SPAG16: variants seen among roughly 807,000 people sequenced by gnomAD.
The protein encoded by SPAG16 is sperm associated antigen 16.
In SPAG16, 86 loss-of-function variants were observed where a neutral mutation model predicts 80.4. The observed-to-expected ratio is 1.07, with a 90% CI of 0.90 to 1.28. The LOEUF is 1.28. Ranked by LOEUF, SPAG16 falls within the 50% of genes most tolerant of loss-of-function variation. SPAG16 has a pLI of 0.00. For synonymous variants in SPAG16, 294 were observed against 265.9 expected (o/e 1.11, Z -1.03); for missense variants, 870 against 765.3 (o/e 1.14, Z -1.61).
chr2:214,171,840 A>C (rs980111375), intron 15 of SPAG16, among the ~76,000 whole-genome samples: 1 of 151,966 alleles, frequency 6.6e-6, no homozygotes, highest in Non-Finnish European at 1.5e-5. Context: ...TTAAGTGAAA[A>C]GTTATTAATG....
chr2:214,218,115 T>C (rs1476117434), intron 15 of SPAG16, among the ~76,000 whole-genome samples: 1 of 152,198 alleles, frequency 6.6e-6, no homozygotes. Flanking sequence ...GATAGCATTG[T>C]TTTACATTTT....
intron 13 of SPAG16, 44 bp downstream of exon 13, chr2:214,014,121 G>T (rs754430858): frequency 1.1e-5 from 18 of 1,603,896 alleles, no homozygotes; most frequent in Non-Finnish European, 1.5e-5. Flanking sequence ...TGATAAGTCT[G>T]ATTACTCTCG....
In SPAG16 at chr2:213,836,211, A is replaced by G. The variant is rs373589072; in HGVS notation, c.1071-26274A>G. Reference sequence around the variant, plus strand: ...CCATTTCCTATGTCTGAGAGAATAAAAACAGTTTTGTGGATATCAGATGTT... The same window carrying G: ...CCATTTCCTATGTCTGAGAGAATAAGAACAGTTTTGTGGATATCAGATGTT... On this transcript the variant is annotated intron_variant, in intron 10 of 15. Coordinates refer to ENST00000331683, the MANE Select transcript of SPAG16 (RefSeq NM_024532.5). Among the ~76,000 whole-genome samples the G allele has an allele frequency of 3.5e-5, 5 of 143,588 alleles. No individual in the cohort carries two copies. In the South Asian group the frequency reaches 1.3e-3, roughly 36 times the overall value. 94.2% of individuals were successfully genotyped at this position (143,588 alleles called of 152,430 possible).
At chr2:213,581,651 C>T (rs556348533) in intron 10 of SPAG16, among the ~76,000 whole-genome samples, 1 of 152,082 alleles carries the variant, frequency 6.6e-6, no homozygotes, top group Non-Finnish European at 1.5e-5. Context: ...CAATTAGAGC[C>T]AGTGGATCTC....
chr2:213,466,044 A>G (rs1164002666), intron 9 of SPAG16, among the ~76,000 whole-genome samples: 1 of 152,158 alleles, frequency 6.6e-6, no homozygotes, highest in Non-Finnish European at 1.5e-5. Flanking sequence ...AATGGAAAAG[A>G]CTGACTGGCT....
At chr2:213,356,231 G>A (rs935195091) in intron 7 of SPAG16, among the ~76,000 whole-genome samples, 1 of 152,264 alleles carries the variant, frequency 6.6e-6, no homozygotes, top group South Asian at 2.1e-4. Context: ...GTCTCTGCCA[G>A]GCTTTGGTAT....
chr2:213,522,841 A>T (rs1441811286), intron 10 of SPAG16, among the ~76,000 whole-genome samples: 1 of 149,002 alleles, frequency 6.7e-6, no homozygotes, highest in Non-Finnish European at 1.5e-5. Flanking sequence ...TATAACAAAC[A>T]TATATATAAA....
chr2:213,846,637 C>A (rs888589082), intron 10 of SPAG16, among the ~76,000 whole-genome samples: 4 of 151,450 alleles, frequency 2.6e-5, no homozygotes. Flanking sequence ...ACAGTGAGAC[C>A]CCTTTATCTT....
At chr2:213,735,873 A>T (rs2067258941) in intron 10 of SPAG16, among the ~76,000 whole-genome samples, 1 of 152,182 alleles carries the variant, frequency 6.6e-6, no homozygotes, top group Non-Finnish European at 1.5e-5. Flanking sequence ...TACAACTGGG[A>T]TGTTTTGAAT....
chr2:213,737,493 C>CTTTT (rs3076768), intron 10 of SPAG16, among the ~76,000 whole-genome samples: 1,426 of 142,206 alleles, frequency 0.01, 28 homozygotes, highest in African/African-American at 0.031. Context: ...TTTTTCTTTT[C>CTTTT]TTTTTTTTTT....
At chr2:214,371,079 T>A (rs968555520) in intron 15 of SPAG16, among the ~76,000 whole-genome samples, 6 of 152,126 alleles carry the variant, frequency 3.9e-5, no homozygotes, top group Non-Finnish European at 7.4e-5. Context: ...TTTCAGAGAT[T>A]AAGGTGGGCT....
chr2:213,395,342 A>G (rs760162676), intron 9 of SPAG16, among the ~76,000 whole-genome samples: 22 of 152,084 alleles, frequency 1.4e-4, no homozygotes, highest in Non-Finnish European at 2.1e-4. Flanking sequence ...TTAATCTTGT[A>G]ATGTAAGAAT....
chr2:213,373,937 A>T (rs1189298654), intron 8 of SPAG16, among the ~76,000 whole-genome samples: 1 of 152,196 alleles, frequency 6.6e-6, no homozygotes, highest in Non-Finnish European at 1.5e-5. Flanking sequence ...AGAGAAGCAG[A>T]AGTAAATATT....
At chr2:213,331,362 G>C (rs1416981112) in intron 5 of SPAG16, among the ~76,000 whole-genome samples, 2 of 152,200 alleles carry the variant, frequency 1.3e-5, no homozygotes, top group African/African-American at 4.8e-5. Flanking sequence ...ATTATTTAAT[G>C]ATAGAGCAGT....
rs36084744 is a variant in SPAG16 at position 214,038,536 on chromosome 2, C to CT, written c.1527+24468dup. 6.6e-3 allele frequency among the ~76,000 whole-genome samples: 1,002 copies of CT among 151,176 alleles called. 12 individuals are homozygous for CT. Among genetic ancestry groups the CT allele is most frequent in the Non-Finnish European group, 8.4e-3 (567 of 67,718 alleles). Reference sequence around the variant, plus strand: ...ACTGCTGAAATTTCTCAATTCATTTCTTTTTTTTTAGATTTTTTTTAATAC... The same window carrying CT: ...ACTGCTGAAATTTCTCAATTCATTTCTTTTTTTTTTAGATTTTTTTTAATAC... On this transcript the variant is annotated intron_variant, in intron 13 of 15. Transcript: ENST00000331683.
chr2:213,765,715 TA>T (rs765478459), intron 10 of SPAG16, among the ~76,000 whole-genome samples: 7 of 152,208 alleles, frequency 4.6e-5, no homozygotes, highest in African/African-American at 7.2e-5. Flanking sequence ...TTAAGACATT[TA>T]TAGGAATCAC....
intron 10 of SPAG16, among the ~76,000 whole-genome samples, chr2:213,579,735 C>T (rs2060241807): frequency 6.6e-6 from 1 of 152,012 alleles, no homozygotes; most frequent in African/African-American, 2.4e-5. Context: ...TGCAACTTTT[C>T]AATAACATGT....
chr2:213,748,398 T>A (rs1225585431), intron 10 of SPAG16, among the ~76,000 whole-genome samples: 1 of 152,054 alleles, frequency 6.6e-6, no homozygotes, highest in Non-Finnish European at 1.5e-5. Flanking sequence ...TAAAAAGATA[T>A]AAGTAAATTT....
chr2:213,440,017 A>T (rs1243263424), intron 9 of SPAG16, among the ~76,000 whole-genome samples: 1 of 152,218 alleles, frequency 6.6e-6, no homozygotes, highest in Non-Finnish European at 1.5e-5. Flanking sequence ...ATCCACCATA[A>T]TCAGGAGTTG....
Sources: gnomAD v4.1 joint callset for allele counts (sites outside exome capture counted in the v4.1 genomes callset) on GRCh38, gnomAD v4.1.1 for gene constraint, MANE v1.5 for transcripts, NCBI Gene and HGNC (gene_info 2026-07-23, HGNC 2026-07-21) for gene names.